Variants in CEP112 observed in about 807,000 individuals in gnomAD.
The protein encoded by CEP112 is centrosomal protein of 112 kDa.
A neutral mutation model predicts 153.0 loss-of-function variants in CEP112; 127 were observed. The observed-to-expected ratio is 0.83, with a 90% CI of 0.72 to 0.96. The LOEUF is 0.96. CEP112 is among the 40% of genes least tolerant of loss of function. CEP112 has a pLI of 0.00. For missense variants in CEP112, 1,089 were observed against 1,101.2 expected (o/e 0.99, Z 0.16); for synonymous variants, 358 against 374.4 (o/e 0.96, Z 0.51).
chr17:65,860,598 C>G (rs939926316), intron 20 of CEP112, among the ~76,000 whole-genome samples: 2 of 152,154 alleles, frequency 1.3e-5, no homozygotes, highest in African/African-American at 4.8e-5. Context: ...GAAACAGGCT[C>G]ACACTGGACA....
At chr17:65,808,874 T>C (rs1433682069) in intron 21 of CEP112, among the ~76,000 whole-genome samples, 1 of 152,208 alleles carries the variant, frequency 6.6e-6, no homozygotes, top group African/African-American at 2.4e-5. Context: ...TATAGCAGTA[T>C]AAAAATGAAC....
At chr17:65,957,367 ACTAT>A (rs2062037248) in intron 18 of CEP112, among the ~76,000 whole-genome samples, 1 of 152,210 alleles carries the variant, frequency 6.6e-6, no homozygotes, top group Non-Finnish European at 1.5e-5. Context: ...ACATCCCATG[ACTAT>A]CTATGTCCAT....
chr17:66,028,275 T>C (rs1222738895), intron 15 of CEP112, 38 bp downstream of exon 15: 2 of 1,251,812 alleles, frequency 1.6e-6, no homozygotes, highest in South Asian at 1.3e-5. Flanking sequence ...AAAACTGTGT[T>C]TGACCATTGT....
intron 18 of CEP112, among the ~76,000 whole-genome samples, chr17:65,933,465 T>G (rs2061196132): frequency 6.6e-6 from 1 of 151,622 alleles, no homozygotes; most frequent in South Asian, 2.1e-4. Context: ...TACAAGGGAG[T>G]TGTAACATGG....
chr17:65,763,779 A>G (rs2052758352), intron 21 of CEP112, among the ~76,000 whole-genome samples: 1 of 152,062 alleles, frequency 6.6e-6, no homozygotes, highest in African/African-American at 2.4e-5. Flanking sequence ...TCCTGGTCTG[A>G]TAATTTTAAG....
chr17:65,746,165 C>CAAAAA (rs56361589), intron 22 of CEP112, among the ~76,000 whole-genome samples: 547 of 47,948 alleles, frequency 0.011, no homozygotes, highest in Non-Finnish European at 0.013. Flanking sequence ...AACTCCATCT[C>CAAAAA]AAAAAAAAAA....
At chr17:66,062,868 C>G (rs1310648973) in intron 11 of CEP112, 95 bp downstream of exon 11, 2 of 568,166 alleles carry the variant, frequency 3.5e-6, no homozygotes, top group Non-Finnish European at 5.8e-6. Context: ...TTAAACTTTT[C>G]TGTATATTCT....
chr17:65,650,873 C>T (rs2045732050), intron 24 of CEP112, among the ~76,000 whole-genome samples: 1 of 151,542 alleles, frequency 6.6e-6, no homozygotes, highest in Non-Finnish European at 1.5e-5. Context: ...ACAAATCCAT[C>T]TTTCTAATTC....
chr17:65,668,819 C>T lies in CEP112; in HGVS notation c.2697+20310G>A, dbSNP rs1282983774. On this transcript the variant is annotated intron_variant, in intron 24 of 26. Coordinates refer to ENST00000535342, the MANE Select transcript of CEP112 (RefSeq NM_001199165.4). ...AAGTCACTTTTGAACAGGCTGTTTT[C>T]GACTGCCAGGCAAGCACCACACAAA... Among the ~76,000 whole-genome samples, 7 of 152,278 alleles carry T rather than the reference C, an allele frequency of 4.6e-5. No individual in the cohort carries two copies. The East Asian group carries it at 5.8e-4, about 13-fold the overall frequency.
intron 21 of CEP112, among the ~76,000 whole-genome samples, chr17:65,774,113 G>C (rs2053541939): frequency 6.7e-6 from 1 of 150,118 alleles, no homozygotes; most frequent in South Asian, 2.1e-4. Context: ...TCCATTTTTG[G>C]ATTTAAACGA....
intron 23 of CEP112, among the ~76,000 whole-genome samples, chr17:65,694,416 C>T (rs2048264339): frequency 6.6e-6 from 1 of 152,156 alleles, no homozygotes; most frequent in African/African-American, 2.4e-5. Context: ...CGAAGTCAAC[C>T]ATATTTTATC....
At chr17:65,707,735 A>G (rs1162265050) in intron 23 of CEP112, among the ~76,000 whole-genome samples, 1 of 152,212 alleles carries the variant, frequency 6.6e-6, no homozygotes, top group Non-Finnish European at 1.5e-5. Context: ...AGCAGTATAT[A>G]AGGAATAGAA....
intron 21 of CEP112, among the ~76,000 whole-genome samples, chr17:65,847,782 A>G (rs1009712280): frequency 1.6e-4 from 24 of 152,226 alleles, no homozygotes; most frequent in Non-Finnish European, 3.4e-4. Context: ...AAGGTGGCAT[A>G]GGTAGGCCAG....
intron 20 of CEP112, among the ~76,000 whole-genome samples, chr17:65,865,890 G>A (rs2146443738): frequency 6.6e-6 from 1 of 152,330 alleles, no homozygotes; most frequent in South Asian, 2.1e-4. Flanking sequence ...TGGACAGAGA[G>A]GTGCCCTGAG....
intron 12 of CEP112, among the ~76,000 whole-genome samples, chr17:66,034,604 T>C (rs1330971938): frequency 8.2e-6 from 1 of 121,376 alleles, no homozygotes; most frequent in Non-Finnish European, 1.8e-5. Flanking sequence ...ATAATTACAG[T>C]GGAGATGAGA....
intron 18 of CEP112, among the ~76,000 whole-genome samples, chr17:65,944,409 T>C (rs2061589463): frequency 6.6e-6 from 1 of 152,208 alleles, no homozygotes; most frequent in African/African-American, 2.4e-5. Flanking sequence ...ATTATTCTAC[T>C]ACTTTTAGAT....
intron 17 of CEP112, among the ~76,000 whole-genome samples, 180 bp downstream of exon 17, chr17:66,005,510 A>T (rs1016601537): frequency 9.0e-5 from 5 of 55,574 alleles, no homozygotes; most frequent in African/African-American, 2.2e-4. Context: ...TTTTTCTTTT[A>T]AAAAAAATTA....
rs9897594 is a variant in CEP112, at chr17:65,849,101, G to A, written c.2394+2703C>T. Among the ~76,000 whole-genome samples, 478 of 152,312 alleles carry A rather than the reference G, an allele frequency of 3.1e-3. 3 individuals carry two copies. The highest frequency in any genetic ancestry group is 0.011 in the African/African-American group (454 of 41,572). ...TATCACAGCTTTGGAGACTTTCGAT[G>A]ATCCTGAAGCTATCTTAGCTTGGTT... On this transcript the variant is annotated intron_variant, in intron 21 of 26. Transcript: ENST00000535342.
intron 4 of CEP112, among the ~76,000 whole-genome samples, chr17:66,173,791 C>T (rs1341414316): frequency 6.6e-6 from 1 of 152,206 alleles, no homozygotes; most frequent in African/African-American, 2.4e-5. Flanking sequence ...ACACTTCCTA[C>T]AGACTCATCT....
Sources: allele counts gnomAD v4.1 joint callset (sites outside exome capture counted in the v4.1 genomes callset), GRCh38; gene constraint gnomAD v4.1.1; transcripts MANE v1.5; gene names NCBI Gene and HGNC (gene_info 2026-07-23, HGNC 2026-07-21).